DCAF13: variants seen among roughly 807,000 people sequenced by gnomAD.
DCAF13 encodes DDB1 and CUL4 associated factor 13.
A neutral mutation model predicts 59.0 loss-of-function variants in DCAF13; 38 were observed. The observed-to-expected ratio is 0.64, with a 90% CI of 0.50 to 0.84. The LOEUF is 0.84. Among genes scored for constraint, DCAF13 ranks in the 40% least tolerant of loss-of-function variants. DCAF13 has a pLI of 0.00. For missense variants in DCAF13, 469 were observed against 558.4 expected, an observed-to-expected ratio of 0.84 and a Z score of 1.61; for synonymous variants, 173 against 175.0, an observed-to-expected ratio of 0.99 and a Z score of 0.09.
chr8:103,417,199 G>A lies in DCAF13; in HGVS notation c.70+1683G>A, dbSNP rs149416057. On this transcript the variant is annotated intron_variant, in intron 1 of 10. Transcript: ENST00000612750. ...CAAAGTGGGGAATTGATTCCAGTAT[G>A]CAACCCGTCCCGTTAATACAGTACA... 4.4e-3 allele frequency among the ~76,000 whole-genome samples: 665 copies of A among 152,264 alleles called. 1 individual carries two copies. The highest frequency in any genetic ancestry group is 0.015 in the African/African-American group (616 of 41,556).
At chr8:103,428,833 T>G (rs553725567) in intron 5 of DCAF13, 1 of 152,166 alleles carries the variant, frequency 6.6e-6, no homozygotes, top group Admixed American at 6.5e-5. Context: ...AATTCTAAAA[T>G]CGTAATTATT....
At chr8:103,436,680 G>T (rs1488772786) in intron 8 of DCAF13, among the ~76,000 whole-genome samples, 1 of 152,134 alleles carries the variant, frequency 6.6e-6, no homozygotes, top group Non-Finnish European at 1.5e-5. Context: ...TCACTTTACA[G>T]ACTGACTTTA....
At chr8:103,437,822 G>A (rs890873877) in intron 8 of DCAF13, among the ~76,000 whole-genome samples, 1 of 152,068 alleles carries the variant, frequency 6.6e-6, no homozygotes, top group Non-Finnish European at 1.5e-5. Context: ...TAAAACTACA[G>A]TTAAGTCAGT....
chr8:103,421,179 G>C (rs1284109046), intron 3 of DCAF13, 97 bp downstream of exon 3: 1 of 866,934 alleles, frequency 1.2e-6, no homozygotes, highest in Non-Finnish European at 1.9e-6. Flanking sequence ...TTTGTTCCTA[G>C]GCCCTTTTGG....
chr8:103,420,192 A>G (rs1348750790), intron 1 of DCAF13, 72 bp from the exon 2 acceptor site: 11 of 1,350,386 alleles, frequency 8.1e-6, no homozygotes, highest in Non-Finnish European at 1.2e-5. Context: ...ATTGAATAAC[A>G]GAGTGATTAG....
intron 7 of DCAF13, among the ~76,000 whole-genome samples, chr8:103,434,275 A>G (rs1816904010): frequency 1.3e-5 from 2 of 152,102 alleles, no homozygotes; most frequent in South Asian, 2.1e-4. Context: ...TAGTTTCAGC[A>G]TCTGTAAGGT....
At position 103,432,723 on chromosome 8, in the gene DCAF13, C is replaced by T; in HGVS notation, c.767C>T (p.Ala256Val). The change falls in exon 7 of 11, where the codon GCA becomes GTA. Residue 256 changes from alanine (A) to valine (V), a missense_variant. Coordinates refer to ENST00000612750, the MANE Select transcript of DCAF13 (RefSeq NM_015420.7). ...WNPMEAFIFT[A>V]ANEDYNLYTF... is the part of the protein sequence containing the mutation. Reference sequence around the variant, plus strand: ...CCTATGGAAGCTTTCATTTTTACAGCAGCAAATGAAGATTATAAGTAAGTT... The same window carrying T: ...CCTATGGAAGCTTTCATTTTTACAGTAGCAAATGAAGATTATAAGTAAGTT... 6.3e-7 allele frequency: 1 copy of T among 1,598,378 alleles called. No individual in the cohort carries two copies. Among genetic ancestry groups the T allele is most frequent in the Middle Eastern group, 1.7e-4 (1 of 5,992 alleles).
chr8:103,432,505 G>A (rs1816879351), intron 6 of DCAF13, among the ~76,000 whole-genome samples, 154 bp from the exon 7 acceptor site: 1 of 152,138 alleles, frequency 6.6e-6, no homozygotes, highest in African/African-American at 2.4e-5. Context: ...TATTCTGCCT[G>A]TGTATTTAAG....
intron 5 of DCAF13, chr8:103,430,401 A>C (rs1196093064): frequency 6.0e-6 from 2 of 334,090 alleles, no homozygotes; most frequent in Non-Finnish European, 1.1e-5. Flanking sequence ...CTAAATAAAT[A>C]AATAAATAAA....
chr8:103,443,051 A>T lies in DCAF13; in HGVS notation c.*169A>T. 2.0e-6 allele frequency: 1 copy of T among 488,356 alleles called. No individual in the cohort carries two copies. 30.3% of individuals were successfully genotyped at this position (488,356 alleles called of 1,614,324 possible). A position where few individuals can be genotyped will look rare whatever the true frequency, so the allele number is the denominator to read the frequency against. On this transcript the variant is annotated 3_prime_UTR_variant, in exon 11 of 11. Coordinates refer to ENST00000612750, the MANE Select transcript of DCAF13 (RefSeq NM_015420.7). ...GAAAAATGATCCTTAAAGGTGGCCT[A>T]GTTGGTAAGACTGTTTTATCCTTAA...
At chr8:103,428,073 T>C (rs1277903707) in intron 5 of DCAF13, 2 of 152,330 alleles carry the variant, frequency 1.3e-5, no homozygotes, top group African/African-American at 2.4e-5. Context: ...GCAAGTGTTA[T>C]GCTCTTAAAG....
chr8:103,432,819 A>G, intron 7 of DCAF13, 78 bp downstream of exon 7: 1 of 883,520 alleles, frequency 1.1e-6, no homozygotes, highest in South Asian at 1.4e-5. Flanking sequence ...AATAAAATAT[A>G]TACCACTAGG....
At chr8:103,416,857 A>G (rs1443546917) in intron 1 of DCAF13, among the ~76,000 whole-genome samples, 2 of 152,238 alleles carry the variant, frequency 1.3e-5, no homozygotes, top group African/African-American at 4.8e-5. Context: ...AAACAAAATG[A>G]TCTATCTTGT....
chr8:103,427,719 G>A (rs969718767), intron 5 of DCAF13: 1 of 155,606 alleles, frequency 6.4e-6, no homozygotes, highest in African/African-American at 2.4e-5. Flanking sequence ...GAACTGCATG[G>A]TAATTAGTTA....
intron 9 of DCAF13, 114 bp downstream of exon 9, chr8:103,440,385 A>G (rs1816994103): frequency 3.2e-6 from 3 of 937,420 alleles, no homozygotes; most frequent in South Asian, 4.1e-5. Context: ...AAATTGACAT[A>G]GCTGTGATAA....
chr8:103,425,828 T>TG (rs1384925202), intron 3 of DCAF13, among the ~76,000 whole-genome samples: 1 of 152,220 alleles, frequency 6.6e-6, no homozygotes, highest in Non-Finnish European at 1.5e-5. Context: ...CCCCTGTTCT[T>TG]GTTTTTCTTT....
chr8:103,420,655 A>T (rs1490549035), intron 2 of DCAF13, 192 bp downstream of exon 2: 3 of 607,424 alleles, frequency 4.9e-6, no homozygotes, highest in Admixed American at 6.8e-5. Context: ...TAGTTTAAGG[A>T]TCAATTTGAC....
chr8:103,436,142 A>G (rs1164709336), intron 8 of DCAF13, among the ~76,000 whole-genome samples: 1 of 152,130 alleles, frequency 6.6e-6, no homozygotes. Context: ...CATTGACCAA[A>G]ATGTCATATG....
At chr8:103,428,704 G>C (rs551117209) in intron 5 of DCAF13, 1 of 150,522 alleles carries the variant, frequency 6.6e-6, no homozygotes, top group East Asian at 1.9e-4. Flanking sequence ...ACGGTATTAC[G>C]TACTAAAAAA....
Sources: allele counts gnomAD v4.1 joint callset (sites outside exome capture counted in the v4.1 genomes callset), GRCh38; gene constraint gnomAD v4.1.1; transcripts MANE v1.5; gene names NCBI Gene and HGNC (gene_info 2026-07-23, HGNC 2026-07-21).